The following ARHGEF3 variants were observed in gnomAD, a reference collection of about 807,000 sequenced individuals.
ARHGEF3 encodes Rho guanine nucleotide exchange factor 3.
ARHGEF3 carries 28 observed loss-of-function variants against 63.2 expected under a neutral mutation model. That is an observed-to-expected ratio of 0.44 (90% confidence interval 0.33 to 0.61). The LOEUF (loss-of-function observed/expected upper bound fraction) is 0.61, where lower values mean the gene tolerates loss of function less well. Among genes scored for constraint, ARHGEF3 ranks in the 20% least tolerant of loss-of-function variants. ARHGEF3 has a pLI of 0.03. For synonymous variants in ARHGEF3, 266 were observed against 254.2 expected, an observed-to-expected ratio of 1.05 and a Z score of -0.44; for missense variants, 533 against 659.3, an observed-to-expected ratio of 0.81 and a Z score of 2.10.
intron 2 of ARHGEF3, among the ~76,000 whole-genome samples, chr3:57,004,994 C>G (rs1330720651): frequency 6.6e-6 from 1 of 150,554 alleles, no homozygotes; most frequent in Non-Finnish European, 1.5e-5. Context: ...ATATATAGCT[C>G]TGTAATCCCT....
At chr3:56,774,952 A>C (rs1291238399) in intron 1 of ARHGEF3, 3 of 1,365,158 alleles carry the variant, frequency 2.2e-6, no homozygotes, top group African/African-American at 3.0e-5. Flanking sequence ...TATGGGGAAG[A>C]GAATGATGAT....
intron 1 of ARHGEF3, among the ~76,000 whole-genome samples, chr3:56,795,135 G>C (rs922707038): frequency 1.1e-4 from 16 of 152,096 alleles, no homozygotes; most frequent in Non-Finnish European, 2.1e-4. Flanking sequence ...AAAGTCCTGG[G>C]ATCCAAATAT....
At chr3:56,753,058 A>G (rs985976033) in intron 4 of ARHGEF3, among the ~76,000 whole-genome samples, 6 of 152,210 alleles carry the variant, frequency 3.9e-5, no homozygotes, top group Non-Finnish European at 7.3e-5. Context: ...ACAAATTCCT[A>G]TATAAAAGAC....
intron 2 of ARHGEF3, among the ~76,000 whole-genome samples, chr3:56,989,292 G>GT (rs61705818): frequency 0.032 from 4,807 of 148,342 alleles, 86 homozygotes; most frequent in Admixed American, 0.04. Context: ...CCTCGCTTGC[G>GT]TTTTTTTTTT....
chr3:56,732,147 C>G, intron 9 of ARHGEF3, 91 bp downstream of exon 9: 1 of 1,468,356 alleles, frequency 6.8e-7, no homozygotes, highest in Non-Finnish European at 9.4e-7. Context: ...ACTTCAAGAC[C>G]GTGGCTTTTC....
At position 57,073,781 on chromosome 3, in the gene ARHGEF3, C is replaced by G. The variant is rs755036587; in HGVS notation, c.-28+5445G>C. The G allele has an allele frequency of 2.7e-5, 44 of 1,614,100 alleles. No individual in the cohort carries two copies. In the South Asian group the frequency reaches 3.4e-4, roughly 12 times the overall value. Reference sequence around the variant, plus strand: ...TGAAGGCACTAGACTCTTCCAGACTCGTTCCATGGCCACCCAGAGGCCTTG... The same window carrying G: ...TGAAGGCACTAGACTCTTCCAGACTGGTTCCATGGCCACCCAGAGGCCTTG... On this transcript the variant is annotated intron_variant, in intron 1 of 12. Coordinates refer to the ARHGEF3 transcript ENST00000338458.
At chr3:56,769,839 G>C (rs1218944133) in intron 2 of ARHGEF3, among the ~76,000 whole-genome samples, 2 of 152,204 alleles carry the variant, frequency 1.3e-5, no homozygotes, top group African/African-American at 4.8e-5. Flanking sequence ...TAAGGTGTCA[G>C]AAGCCAGGGA....
intron 4 of ARHGEF3, among the ~76,000 whole-genome samples, chr3:56,859,952 G>A (rs1309667524): frequency 6.6e-6 from 1 of 151,428 alleles, no homozygotes; most frequent in East Asian, 2.0e-4. Context: ...CCTGAGCTCA[G>A]GAGTTCCAGA....
At chr3:57,067,905 G>A (rs1296655381) in intron 1 of ARHGEF3, among the ~76,000 whole-genome samples, 1 of 151,890 alleles carries the variant, frequency 6.6e-6, no homozygotes, top group Non-Finnish European at 1.5e-5. Context: ...TAGGAGAATG[G>A]CGTGAACCTG....
intron 2 of ARHGEF3, among the ~76,000 whole-genome samples, chr3:57,017,032 T>TCTCACACA (rs1221332567): frequency 0.063 from 6,576 of 104,178 alleles, 249 homozygotes; most frequent in Non-Finnish European, 0.094. Context: ...TCTCTCTCTC[T>TCTCACACA]CACACACACA....
At position 57,014,287 on chromosome 3, in the gene ARHGEF3, C is replaced by T. The variant is rs928344408; in HGVS notation, c.62+20801G>A. 8.5e-5 allele frequency among the ~76,000 whole-genome samples: 13 copies of T among 152,304 alleles called. No homozygotes were observed. In the South Asian group the frequency reaches 1.0e-3, roughly 12 times the overall value. On this transcript the variant is annotated intron_variant, in intron 2 of 12. Coordinates refer to the ARHGEF3 transcript ENST00000338458. ...CTGTAACACTCACTGTGAGGGTCCG[C>T]GGCTTCATTCTTGAAGTCAGTGAGA...
At chr3:57,028,736 T>C (rs1323508745) in intron 2 of ARHGEF3, among the ~76,000 whole-genome samples, 1 of 121,580 alleles carries the variant, frequency 8.2e-6, no homozygotes, top group African/African-American at 3.3e-5. Flanking sequence ...GAACCCTTTT[T>C]CCTCATCTGT....
At chr3:56,985,568 C>G (rs1290297469) in intron 2 of ARHGEF3, among the ~76,000 whole-genome samples, 4 of 152,226 alleles carry the variant, frequency 2.6e-5, no homozygotes, top group African/African-American at 9.7e-5. Context: ...CTGTTCTCCA[C>G]ATGTATTCCA....
chr3:57,066,088 C>T (rs1194512335), intron 1 of ARHGEF3, among the ~76,000 whole-genome samples: 1 of 151,594 alleles, frequency 6.6e-6, no homozygotes, highest in African/African-American at 2.4e-5. Flanking sequence ...TCAATCAGAA[C>T]AAGAAACTCT....
chr3:56,791,125 A>G (rs1051899623), intron 1 of ARHGEF3, among the ~76,000 whole-genome samples: 5 of 152,192 alleles, frequency 3.3e-5, no homozygotes, highest in African/African-American at 1.2e-4. Flanking sequence ...TGTCGTGGCC[A>G]GAAGTGGTGG....
At chr3:56,902,930 C>T (rs1257811143) in intron 3 of ARHGEF3, among the ~76,000 whole-genome samples, 3 of 152,182 alleles carry the variant, frequency 2.0e-5, no homozygotes, top group East Asian at 3.9e-4. Flanking sequence ...CCCCAAATGA[C>T]AGCAAATGCC....
chr3:57,063,347 G>C (rs1309137028), intron 1 of ARHGEF3, among the ~76,000 whole-genome samples: 1 of 152,188 alleles, frequency 6.6e-6, no homozygotes, highest in African/African-American at 2.4e-5. Context: ...TGAGGGCTTT[G>C]AGCAGAGAAG....
At chr3:56,900,761 C>A (rs935487819) in intron 3 of ARHGEF3, among the ~76,000 whole-genome samples, 16 of 152,164 alleles carry the variant, frequency 1.1e-4, no homozygotes, top group Admixed American at 3.3e-4. Flanking sequence ...GTTACCAGAT[C>A]ACAATTGATG....
intron 2 of ARHGEF3, chr3:56,975,906 G>A (rs2106875340): frequency 3.7e-6 from 1 of 268,716 alleles, no homozygotes; most frequent in South Asian, 3.5e-5. Context: ...AAATATCCAT[G>A]GAGATTAATG....
Sources: allele counts gnomAD v4.1 joint callset (sites outside exome capture counted in the v4.1 genomes callset), GRCh38; gene constraint gnomAD v4.1.1; transcripts MANE v1.5; gene names NCBI Gene and HGNC (gene_info 2026-07-23, HGNC 2026-07-21).